Variants in UPRT observed in about 807,000 individuals in gnomAD.
UPRT encodes RP11-311P8.3.
UPRT carries 5 observed loss-of-function variants against 22.6 expected under a neutral mutation model. The ratio of observed to expected loss-of-function variants is 0.22; its 90% CI spans 0.12 to 0.47. The LOEUF is 0.47. UPRT is among the 20% of genes least tolerant of loss of function. The pLI, the probability that UPRT is intolerant of heterozygous loss-of-function variation, is 0.99. For missense variants in UPRT, 181 were observed against 239.9 expected (o/e 0.75, Z 1.62); for synonymous variants, 77 against 87.7 (o/e 0.88, Z 0.68).
chrX:75,297,449 C>G (rs372726191), intron 3 of UPRT, 42 bp from the exon 4 acceptor site: 61 of 1,169,094 alleles, frequency 5.2e-5, no homozygotes, highest in Middle Eastern at 2.3e-4. Context: ...GTAGGTTACT[C>G]CAGTGATGAA....
At chrX:75,206,830 A>G (rs927863974) in intron 4 of UPRT, among the ~76,000 whole-genome samples, 3 of 110,749 alleles carry the variant, frequency 2.7e-5, no homozygotes, top group Non-Finnish European at 5.7e-5. Context: ...ATGCCTGGCT[A>G]ATTTTTTGTA....
chrX:75,288,226 C>T lies in UPRT; in HGVS notation c.387-5246C>T, dbSNP rs568238256. Among the ~76,000 whole-genome samples, 3 of 111,347 alleles carry T rather than the reference C, an allele frequency of 2.7e-5. No individual in the cohort carries two copies. The South Asian group carries it at 1.1e-3, about 42-fold the overall frequency. Reference sequence around the variant, plus strand: ...AGAAGACCTGGACCAGATAGAGTCACAATTGAATTCTACCAGACATACAAG... The same window carrying T: ...AGAAGACCTGGACCAGATAGAGTCATAATTGAATTCTACCAGACATACAAG... On this transcript the variant is annotated intron_variant, in intron 1 of 6. Coordinates refer to ENST00000373383, the MANE Select transcript of UPRT (RefSeq NM_145052.4).
intron 4 of UPRT, among the ~76,000 whole-genome samples, chrX:75,181,710 T>A (rs1489575141): frequency 4.5e-5 from 5 of 112,188 alleles, no homozygotes; most frequent in Non-Finnish European, 9.4e-5. Context: ...CACGAAACTT[T>A]GCTGAAGTTG....
rs189451006 is a variant in UPRT at position 75,174,433 on chromosome X, A to G, written c.-447+6554A>G. Among the ~76,000 whole-genome samples the G allele has an allele frequency of 2.4e-3, 273 of 111,906 alleles. 1 individual carries two copies. The highest frequency in any genetic ancestry group is 4.6e-3 in the Middle Eastern group (1 of 218). On this transcript the variant is annotated intron_variant, in intron 4 of 13. Coordinates refer to the UPRT transcript ENST00000652605. ...AGGAAACAAATTTGACAAGAAGGTT[A>G]AACATACAGGGCCTAAAGGTGAGTA...
chrX:75,168,391 C>T (rs1386058997), intron 4 of UPRT, among the ~76,000 whole-genome samples: 1 of 106,704 alleles, frequency 9.4e-6, no homozygotes, highest in Non-Finnish European at 1.9e-5. Flanking sequence ...TTGATATTAA[C>T]CATCATTAAA....
At chrX:75,281,801 C>T (rs2082658222) in intron 1 of UPRT, among the ~76,000 whole-genome samples, 1 of 111,652 alleles carries the variant, frequency 9.0e-6, no homozygotes, top group African/African-American at 3.3e-5. Flanking sequence ...GGAGCATTCC[C>T]TCTTTCTCTG....
chrX:75,191,706 C>A (rs948492157), intron 4 of UPRT, among the ~76,000 whole-genome samples: 9 of 112,196 alleles, frequency 8.0e-5, no homozygotes, highest in African/African-American at 2.6e-4. Flanking sequence ...GCAGTTGGAT[C>A]TCAGACTGCT....
intron 4 of UPRT, among the ~76,000 whole-genome samples, chrX:75,232,742 A>C (rs1161028638): frequency 3.6e-5 from 4 of 112,248 alleles, no homozygotes; most frequent in African/African-American, 6.5e-5. Flanking sequence ...GTTAGAAAGA[A>C]AACTAACAAA....
chrX:75,272,372 A>ATATATATATG (rs2082614012), upstream of UPRT, among the ~76,000 whole-genome samples: 1 of 89,779 alleles, frequency 1.1e-5, no homozygotes, highest in East Asian at 3.4e-4. Flanking sequence ...ATATATATAT[A>ATATATATATG]TGTATATATA....
intron 4 of UPRT, among the ~76,000 whole-genome samples, chrX:75,252,703 A>C (rs2082535522): frequency 8.9e-6 from 1 of 112,405 alleles, no homozygotes; most frequent in South Asian, 3.7e-4. Context: ...TATATACCCA[A>C]AGGATTATAA....
intron 4 of UPRT, among the ~76,000 whole-genome samples, chrX:75,214,608 T>A (rs1437480332): frequency 1.8e-5 from 2 of 112,461 alleles, no homozygotes; most frequent in Non-Finnish European, 3.8e-5. Context: ...AATAATACTG[T>A]ATTGTGTACT....
intron 4 of UPRT, among the ~76,000 whole-genome samples, chrX:75,193,923 T>C (rs756557735): frequency 8.9e-6 from 1 of 111,990 alleles, no homozygotes; most frequent in East Asian, 2.8e-4. Flanking sequence ...CAATGATCTT[T>C]GTTACTGTCC....
chrX:75,220,900 T>C lies in UPRT; in HGVS notation c.-447+53021T>C, dbSNP rs753519077. Among the ~76,000 whole-genome samples, 48 of 111,943 alleles carry C rather than the reference T, an allele frequency of 4.3e-4. No individual in the cohort carries two copies. In the Middle Eastern group the frequency reaches 0.019, roughly 44 times the overall value. ...ATTATGTGTTTTTCTCCATACTCAC[T>C]ATTATCAGTGAGTTTTGTACTTTCA... is the stretch of plus-strand genomic sequence containing the variant. On this transcript the variant is annotated intron_variant, in intron 4 of 13. Coordinates refer to the UPRT transcript ENST00000652605.
Position 75,246,771 on chromosome X carries a change from C to T in UPRT, c.-446-44253C>T, listed in dbSNP as rs183650602. Reference sequence around the variant, plus strand: ...ACATCCTCTCCAGTACCTGTTGTTTCCTGACTTTTTAATGATCGGCATTCT... The same window carrying T: ...ACATCCTCTCCAGTACCTGTTGTTTTCTGACTTTTTAATGATCGGCATTCT... On this transcript the variant is annotated intron_variant, in intron 4 of 13. Transcript: ENST00000652605. 8.3e-3 allele frequency among the ~76,000 whole-genome samples: 926 copies of T among 111,388 alleles called. 12 individuals carry two copies. The highest frequency in any genetic ancestry group is 0.028 in the African/African-American group (853 of 30,675).
intron 4 of UPRT, among the ~76,000 whole-genome samples, chrX:75,183,364 A>G (rs1429759701): frequency 9.0e-6 from 1 of 111,463 alleles, no homozygotes; most frequent in Non-Finnish European, 1.9e-5. Flanking sequence ...ATCCTTTTTT[A>G]TGGCTGCATA....
chrX:75,162,243 C>T (rs940040093), intron 2 of UPRT, among the ~76,000 whole-genome samples: 1 of 110,156 alleles, frequency 9.1e-6, no homozygotes, highest in Admixed American at 9.7e-5. Flanking sequence ...TGAGCCACCA[C>T]GCCCAGCAGG....
At chrX:75,261,104 G>C (rs2082566205) in intron 4 of UPRT, among the ~76,000 whole-genome samples, 1 of 112,005 alleles carries the variant, frequency 8.9e-6, no homozygotes, top group African/African-American at 3.2e-5. Flanking sequence ...ATTTAAAGCA[G>C]TGTGTAGAGG....
chrX:75,232,865 A>T lies in UPRT; in HGVS notation c.-446-58159A>T, dbSNP rs761448746. Reference sequence around the variant, plus strand: ...ACAGAGCAGAAAAACTGGAAACTCTAAAAAGCAGAGCGCCTCTCCTCCTCC... The same window carrying T: ...ACAGAGCAGAAAAACTGGAAACTCTTAAAAGCAGAGCGCCTCTCCTCCTCC... On this transcript the variant is annotated intron_variant, in intron 4 of 13. Transcript: ENST00000652605. Among the ~76,000 whole-genome samples, 338 of 112,217 alleles carry T rather than the reference A, an allele frequency of 3.0e-3. 2 individuals are homozygous for T. The highest frequency in any genetic ancestry group is 0.011 in the South Asian group (30 of 2,687).
chrX:75,282,565 A>G (rs761510876), intron 1 of UPRT, among the ~76,000 whole-genome samples: 6 of 111,521 alleles, frequency 5.4e-5, no homozygotes, highest in Non-Finnish European at 9.4e-5. Flanking sequence ...ATTTAATTTC[A>G]TGTATTTGCA....
Sources: allele counts gnomAD v4.1 joint callset (sites outside exome capture counted in the v4.1 genomes callset), GRCh38; gene constraint gnomAD v4.1.1; transcripts MANE v1.5; gene names NCBI Gene and HGNC (gene_info 2026-07-23, HGNC 2026-07-21).